The following THRAP3 variants were observed in gnomAD, a reference collection of about 807,000 sequenced individuals.
The protein encoded by THRAP3 is thyroid hormone receptor-associated protein 3.
A neutral mutation model predicts 101.0 loss-of-function variants in THRAP3; 16 were observed. The observed-to-expected ratio is 0.16, with a 90% confidence interval of 0.11 to 0.24. THRAP3 has a LOEUF of 0.24. Ranked by LOEUF, THRAP3 falls within the 10% of genes least tolerant of loss-of-function variation. The probability of loss-of-function intolerance (pLI) is 1.00; values close to 1 mark genes in which losing one functional copy is unlikely to be tolerated. For missense variants in THRAP3, 989 were observed against 1,202.7 expected (o/e 0.82, Z 2.63); for synonymous variants, 407 against 422.6 (o/e 0.96, Z 0.45).
intron 2 of THRAP3, among the ~76,000 whole-genome samples, chr1:36,274,303 A>G (rs546615898): frequency 2.6e-5 from 4 of 152,350 alleles, no homozygotes; most frequent in African/African-American, 9.6e-5. Flanking sequence ...TTTCATGTTC[A>G]TGGATTTGGA....
the THRAP3 span, among the ~76,000 whole-genome samples, chr1:36,208,779 G>A: frequency 2.0e-5 from 3 of 151,622 alleles, no homozygotes; most frequent in African/African-American, 4.8e-5. Flanking sequence ...CAATTCTCCC[G>A]CCTCAGCCTC....
At chr1:36,296,276 C>T (rs1319229185) in intron 8 of THRAP3, among the ~76,000 whole-genome samples, 3 of 152,016 alleles carry the variant, frequency 2.0e-5, no homozygotes, top group African/African-American at 7.2e-5. Context: ...ACCTGGCCAG[C>T]CTTCTCAACT....
upstream of THRAP3, among the ~76,000 whole-genome samples, chr1:36,224,245 C>A (rs2124306978): frequency 6.6e-6 from 1 of 152,364 alleles, no homozygotes; most frequent in African/African-American, 2.4e-5. Flanking sequence ...CCCCGAGCAA[C>A]CCACGTGACC....
chr1:36,288,475 A>G lies in THRAP3; in HGVS notation c.1041-585A>G. 3.0e-6 allele frequency: 3 copies of G among 985,450 alleles called. No individual in the cohort carries two copies. The South Asian group carries it at 1.4e-4, about 46-fold the overall frequency. The allele number at this position is 985,450 out of a possible 1,614,324, so 61.0% of individuals were successfully genotyped here. A position where few individuals can be genotyped will look rare whatever the true frequency, so the allele number is the denominator to read the frequency against. ...GCATGAGCTCTGCTTTTCCATAAGA[A>G]AGAGAATGATGATTTTTGCTGCTGT... On this transcript the variant is annotated intron_variant, in intron 4 of 11. Transcript: ENST00000354618.
At chr1:36,247,254 T>C (rs1455825663) in intron 1 of THRAP3, among the ~76,000 whole-genome samples, 1 of 151,678 alleles carries the variant, frequency 6.6e-6, no homozygotes, top group African/African-American at 2.4e-5. Flanking sequence ...GAGGCACAGG[T>C]TGCAGTGAGC....
At chr1:36,235,959 T>G (rs1007596214) in intron 1 of THRAP3, among the ~76,000 whole-genome samples, 5 of 151,980 alleles carry the variant, frequency 3.3e-5, no homozygotes, top group African/African-American at 7.3e-5. Context: ...TTAAAAACCT[T>G]TATGTCGGAC....
At chr1:36,236,864 A>G (rs1645096404) in intron 1 of THRAP3, among the ~76,000 whole-genome samples, 1 of 152,160 alleles carries the variant, frequency 6.6e-6, no homozygotes, top group Admixed American at 6.6e-5. Flanking sequence ...ATGCATATAT[A>G]TAACTTTGAG....
At chr1:36,231,593 A>G (rs1645028115) in intron 1 of THRAP3, among the ~76,000 whole-genome samples, 1 of 152,258 alleles carries the variant, frequency 6.6e-6, no homozygotes, top group African/African-American at 2.4e-5. Flanking sequence ...CAGTAGTGCC[A>G]TGTGATTTTT....
chr1:36,266,341 C>G (rs750686450), intron 2 of THRAP3, among the ~76,000 whole-genome samples: 2 of 151,970 alleles, frequency 1.3e-5, no homozygotes, highest in Non-Finnish European at 2.9e-5. Flanking sequence ...TGACAAACAA[C>G]AACAACAACA....
intron 3 of THRAP3, among the ~76,000 whole-genome samples, chr1:36,283,472 A>T (rs758455653): frequency 7.2e-5 from 11 of 152,218 alleles, no homozygotes; most frequent in Middle Eastern, 3.2e-3. Context: ...CTTTCAGTAA[A>T]TAACAAGTTT....
rs79897335 is a variant in THRAP3 at position 36,262,104 on chromosome 1, T to G, written c.-32+2620T>G. 4.0e-3 allele frequency among the ~76,000 whole-genome samples: 603 copies of G among 152,288 alleles called. 4 individuals are homozygous for G. Among genetic ancestry groups the G allele is most frequent in the East Asian group, 0.03 (158 of 5,190 alleles). The stretch of plus-strand genomic sequence containing the variant: ...ATTTAAAAAAACAGATGAAATAAAT[T>G]TGAACGATATGTTTTATATAATTCA... On this transcript the variant is annotated intron_variant, in intron 2 of 11. Coordinates refer to ENST00000354618, the MANE Select transcript of THRAP3 (RefSeq NM_005119.4).
intron 7 of THRAP3, among the ~76,000 whole-genome samples, chr1:36,293,283 C>T (rs1459108850): frequency 6.6e-6 from 1 of 152,172 alleles, no homozygotes; most frequent in African/African-American, 2.4e-5. Context: ...CCCGCCTCAG[C>T]CTCCCAAAGT....
At chr1:36,255,922 A>G (rs1264918936) in intron 1 of THRAP3, among the ~76,000 whole-genome samples, 2 of 152,166 alleles carry the variant, frequency 1.3e-5, no homozygotes, top group Non-Finnish European at 2.9e-5. Context: ...TGGAAACTAT[A>G]TCGTCGTTTA....
chr1:36,279,828 A>G (rs1570317416), intron 2 of THRAP3, among the ~76,000 whole-genome samples: 1 of 152,354 alleles, frequency 6.6e-6, no homozygotes, highest in African/African-American at 2.4e-5. Context: ...GAATATAACA[A>G]AAATAAATAC....
chr1:36,288,438 T>C (rs1645824149), intron 4 of THRAP3: 1 of 985,480 alleles, frequency 1.0e-6, no homozygotes. Flanking sequence ...TGAATCTCTT[T>C]AGAAGACTTG....
chr1:36,215,412 C>T, the THRAP3 span, among the ~76,000 whole-genome samples: 13 of 152,252 alleles, frequency 8.5e-5, no homozygotes, highest in Non-Finnish European at 1.3e-4. Context: ...GGATGTGCCA[C>T]GTTCCTTCAG....
At chr1:36,227,604 G>A (rs1644976538) in intron 1 of THRAP3, among the ~76,000 whole-genome samples, 1 of 152,140 alleles carries the variant, frequency 6.6e-6, no homozygotes, top group African/African-American at 2.4e-5. Context: ...GAGGGAGGAA[G>A]GAAGGGGTTT....
chr1:36,288,738 C>G lies in THRAP3; in HGVS notation c.1041-322C>G, dbSNP rs1302809512. The G allele has an allele frequency of 1.9e-5, 19 of 985,250 alleles. No homozygotes were observed. In the Admixed American group the frequency reaches 6.8e-4, roughly 35 times the overall value. 61.0% of individuals were successfully genotyped at this position (985,250 alleles called of 1,614,324 possible). On this transcript the variant is annotated intron_variant, in intron 4 of 11. Coordinates refer to ENST00000354618, the MANE Select transcript of THRAP3 (RefSeq NM_005119.4). ...GTAAGACCTTAAGTTATTTTTTGCC[C>G]TAGATCACATTACAGGTAAGTAGGT...
intron 1 of THRAP3, among the ~76,000 whole-genome samples, chr1:36,243,301 A>T (rs987921206): frequency 4.0e-5 from 6 of 151,760 alleles, no homozygotes; most frequent in African/African-American, 1.5e-4. Context: ...CAGATAAACA[A>T]GTGAACAAAG....
Sources: allele counts gnomAD v4.1 joint callset (sites outside exome capture counted in the v4.1 genomes callset), GRCh38; gene constraint gnomAD v4.1.1; transcripts MANE v1.5; gene names NCBI Gene and HGNC (gene_info 2026-07-23, HGNC 2026-07-21).